The following SDHC variants were observed in gnomAD, a reference collection of about 807,000 sequenced individuals.
The protein encoded by SDHC is succinate dehydrogenase cytochrome b560 subunit, mitochondrial.
In SDHC, 11 loss-of-function variants were observed where a neutral mutation model predicts 22.6. That is an observed-to-expected ratio of 0.49 (90% CI 0.31 to 0.81). The LOEUF (loss-of-function observed/expected upper bound fraction) is 0.81, where lower values mean the gene tolerates loss of function less well. Among genes scored for constraint, SDHC ranks in the 30% least tolerant of loss-of-function variants. The pLI, the probability that SDHC is intolerant of heterozygous loss-of-function variation, is 0.05. For synonymous variants in SDHC, 80 were observed against 77.8 expected (o/e 1.03, Z -0.15); for missense variants, 160 against 212.0 (o/e 0.75, Z 1.52).
chr1:161,351,135 C>T (rs1672084962), intron 4 of SDHC, among the ~76,000 whole-genome samples: 1 of 152,172 alleles, frequency 6.6e-6, no homozygotes, highest in African/African-American at 2.4e-5. Context: ...CCGGTTTATC[C>T]AGCCTCAACT....
chr1:161,323,225 C>T (rs1670904844), intron 1 of SDHC, among the ~76,000 whole-genome samples: 2 of 152,082 alleles, frequency 1.3e-5, no homozygotes. Context: ...GTCTCGATCT[C>T]CTGACCTTGT....
rs1476091457 is a variant in SDHC, at chr1:161,314,634, C to T, written c.20+209C>T. The T allele has an allele frequency of 6.5e-6, 4 of 612,840 alleles. No individual in the cohort carries two copies. The East Asian group carries it at 8.3e-5, about 13-fold the overall frequency. The allele number at this position is 612,840 out of a possible 1,614,324, so 38.0% of individuals were successfully genotyped here. A position where few individuals can be genotyped will look rare whatever the true frequency, so the allele number is the denominator to read the frequency against. Reference sequence around the variant, plus strand: ...CTCCGTAGGGCTTCGGGGTCACTGACTTCGTATCGAGGGGCCCTCGGCTCT... The same window carrying T: ...CTCCGTAGGGCTTCGGGGTCACTGATTTCGTATCGAGGGGCCCTCGGCTCT... On this transcript the variant is annotated intron_variant, in intron 1 of 5. Coordinates refer to ENST00000367975, the MANE Select transcript of SDHC (RefSeq NM_003001.5).
At chr1:161,343,981 G>A (rs1013997132) in intron 4 of SDHC, among the ~76,000 whole-genome samples, 1 of 152,132 alleles carries the variant, frequency 6.6e-6, no homozygotes, top group Admixed American at 6.6e-5. Context: ...GGAGGCCGAG[G>A]CAGGAGGATT....
At chr1:161,337,498 C>T (rs1012632447) in intron 3 of SDHC, among the ~76,000 whole-genome samples, 5 of 152,112 alleles carry the variant, frequency 3.3e-5, no homozygotes. Context: ...TTGAGGCCGT[C>T]GGTCATCAAG....
chr1:161,322,805 A>C (rs972946367), intron 1 of SDHC, among the ~76,000 whole-genome samples: 3 of 152,134 alleles, frequency 2.0e-5, no homozygotes, highest in Non-Finnish European at 2.9e-5. Flanking sequence ...GGCTCAGTCC[A>C]CTGGCCTCAG....
chr1:161,314,635 T>G (rs1013346490), intron 1 of SDHC: 6 of 612,024 alleles, frequency 9.8e-6, no homozygotes, highest in Non-Finnish European at 1.7e-5. Context: ...GGTCACTGAC[T>G]TCGTATCGAG....
intron 1 of SDHC, among the ~76,000 whole-genome samples, chr1:161,323,408 T>G (rs1670913156): frequency 6.6e-6 from 1 of 152,238 alleles, no homozygotes; most frequent in Non-Finnish European, 1.5e-5. Flanking sequence ...TAACTCTATT[T>G]TGCATTTTTA....
chr1:161,317,028 T>C (rs372794241), intron 1 of SDHC, among the ~76,000 whole-genome samples: 3 of 120,158 alleles, frequency 2.5e-5, no homozygotes, highest in African/African-American at 4.4e-5. Flanking sequence ...TTTTCTTTTT[T>C]TTTTTTTTGA....
At chr1:161,328,175 T>C (rs1360749825) in intron 2 of SDHC, among the ~76,000 whole-genome samples, 2 of 152,120 alleles carry the variant, frequency 1.3e-5, no homozygotes, top group Admixed American at 1.3e-4. Context: ...GGCTAATTTG[T>C]ATTTTTAGTA....
At chr1:161,331,424 G>T (rs373861318) in intron 3 of SDHC, among the ~76,000 whole-genome samples, 2 of 151,084 alleles carry the variant, frequency 1.3e-5, no homozygotes, top group Non-Finnish European at 3.0e-5. Flanking sequence ...ATGTCACCAC[G>T]CCCAGCTAAT....
intron 5 of SDHC, among the ~76,000 whole-genome samples, chr1:161,358,803 G>C (rs1466767308): frequency 6.6e-6 from 1 of 152,164 alleles, no homozygotes; most frequent in East Asian, 1.9e-4. Context: ...GCACATGCCT[G>C]TAATCCCAGC....
chr1:161,348,666 CAAAAAAAA>C (rs1159653901), intron 4 of SDHC, among the ~76,000 whole-genome samples: 1 of 70,924 alleles, frequency 1.4e-5, no homozygotes, highest in Non-Finnish European at 2.9e-5. Flanking sequence ...ACTAAAAATC[CAAAAAAAA>C]AAAAAAAAAA....
chr1:161,338,979 G>T (rs1671600739), intron 3 of SDHC, among the ~76,000 whole-genome samples: 1 of 152,070 alleles, frequency 6.6e-6, no homozygotes, highest in Non-Finnish European at 1.5e-5. Flanking sequence ...CTCCCAAGTA[G>T]CTGGGATTAC....
chr1:161,362,691 G>A lies in SDHC; in HGVS notation c.*258G>A. The A allele has an allele frequency of 4.6e-6, 3 of 645,490 alleles. No individual in the cohort carries two copies. Among genetic ancestry groups the A allele is most frequent in the South Asian group, 3.9e-5 (2 of 51,288 alleles). The allele number at this position is 645,490 out of a possible 1,614,324, so 40.0% of individuals were successfully genotyped here. A position where few individuals can be genotyped will look rare whatever the true frequency, so the allele number is the denominator to read the frequency against. ...CCACAGCTTGCCTACTCTCGGCCTA[G>A]AAGCAGTTATTCTCTCTCCATATTG... On this transcript the variant is annotated 3_prime_UTR_variant, in exon 6 of 6. Coordinates refer to ENST00000367975, the MANE Select transcript of SDHC (RefSeq NM_003001.5).
chr1:161,348,666 C>CAAA (rs1159653901), intron 4 of SDHC, among the ~76,000 whole-genome samples: 7,425 of 70,624 alleles, frequency 0.11, 290 homozygotes, highest in East Asian at 0.23. Flanking sequence ...ACTAAAAATC[C>CAAA]AAAAAAAAAA....
In SDHC at chr1:161,323,661, G is replaced by A; in HGVS notation, c.68G>A (p.Cys23Tyr). Residue 23 changes from cysteine to tyrosine, a missense_variant, in exon 2 of 6, where the codon TGT becomes TAT. Physicochemically the swap from Cys to Tyr is radical, Grantham distance 194. Transcript: ENST00000367975. The part of the protein sequence containing the change: ...CLRAHFSPQL[C>Y]IRNAVPLGTT... ...CGAGCCCACTTTAGCCCTCAGCTCT[G>A]TATCAGAAAGTAAGTTTCTAAGTCT... 1.2e-6 allele frequency: 2 copies of A among 1,610,878 alleles called. No homozygotes were observed. Among genetic ancestry groups the A allele is most frequent in the Non-Finnish European group, 1.7e-6 (2 of 1,177,850 alleles).
chr1:161,336,642 TG>T (rs749080006), intron 3 of SDHC, among the ~76,000 whole-genome samples: 75 of 152,088 alleles, frequency 4.9e-4, no homozygotes, highest in Non-Finnish European at 6.8e-4. Flanking sequence ...CAGACATACT[TG>T]GGGGGAAAAA....
Position 161,340,580 on chromosome 1 carries a change from G to C in SDHC, c.180-14G>C. Reference sequence around the variant, plus strand: ...TTTTCCTTTTTAAAATTGTCTTTGTGTGTTTCTTTACAGTTGGTCTCTTCC... The same window carrying C: ...TTTTCCTTTTTAAAATTGTCTTTGTCTGTTTCTTTACAGTTGGTCTCTTCC... On this transcript the variant is annotated splice_polypyrimidine_tract_variant and intron_variant, in intron 3 of 5. Transcript: ENST00000367975. 6.2e-7 allele frequency: 1 copy of C among 1,612,174 alleles called. No individual in the cohort carries two copies. The highest frequency in any genetic ancestry group is 8.5e-7 in the Non-Finnish European group (1 of 1,178,382).
At chr1:161,344,952 G>A (rs1447484077) in intron 4 of SDHC, among the ~76,000 whole-genome samples, 1 of 152,126 alleles carries the variant, frequency 6.6e-6, no homozygotes, top group African/African-American at 2.4e-5. Flanking sequence ...GCATTCTTGT[G>A]GCCCTAGTCC....
Sources: gnomAD v4.1 joint callset for allele counts (sites outside exome capture counted in the v4.1 genomes callset) on GRCh38, gnomAD v4.1.1 for gene constraint, MANE v1.5 for transcripts, NCBI Gene and HGNC (gene_info 2026-07-23, HGNC 2026-07-21) for gene names.